RANBP2: variants seen among roughly 807,000 people sequenced by gnomAD.
The protein encoded by RANBP2 is RAN binding protein 2, also known as E3 SUMO-protein ligase RanBP2.
In RANBP2, 57 loss-of-function variants were observed where a neutral mutation model predicts 303.6. The ratio of observed to expected loss-of-function variants is 0.19; its 90% CI spans 0.15 to 0.23. The LOEUF (loss-of-function observed/expected upper bound fraction) is 0.23. Among genes scored for constraint, RANBP2 ranks in the 10% least tolerant of loss-of-function variants. RANBP2 has a pLI of 1.00. For synonymous variants in RANBP2, 1,167 were observed against 1,301.5 expected, an observed-to-expected ratio of 0.90 and a Z score of 2.23; for missense variants, 3,138 against 3,780.8, an observed-to-expected ratio of 0.83 and a Z score of 4.46.
At chr2:108,983,576 C>G in the RANBP2 span, among the ~76,000 whole-genome samples, 4 of 152,334 alleles carry the variant, frequency 2.6e-5, no homozygotes, top group East Asian at 7.7e-4. Flanking sequence ...CAGCTCCTCC[C>G]TCGTGATCCA....
chr2:109,361,041 T>A, the RANBP2 span, among the ~76,000 whole-genome samples: 6 of 152,216 alleles, frequency 3.9e-5, no homozygotes, highest in African/African-American at 1.4e-4. Context: ...TGAATGGGTA[T>A]TGGATTTTGT....
the RANBP2 span, among the ~76,000 whole-genome samples, chr2:109,531,005 G>A: frequency 1.3e-5 from 2 of 151,920 alleles, no homozygotes; most frequent in African/African-American, 2.4e-5. Flanking sequence ...AGAGCTTCCC[G>A]AGGAGGCTGG....
chr2:109,305,239 G>C, the RANBP2 span, among the ~76,000 whole-genome samples: 1 of 152,162 alleles, frequency 6.6e-6, no homozygotes, highest in East Asian at 1.9e-4. Context: ...ACCTGCTGAC[G>C]GTTTCCCCCT....
the RANBP2 span, among the ~76,000 whole-genome samples, chr2:109,284,128 C>A: frequency 2.3e-4 from 35 of 152,338 alleles, no homozygotes; most frequent in African/African-American, 7.9e-4. Flanking sequence ...GAACACATCC[C>A]TCAGGTACTC....
chr2:108,931,470 C>T, the RANBP2 span, among the ~76,000 whole-genome samples: 1 of 152,210 alleles, frequency 6.6e-6, no homozygotes. Flanking sequence ...TGGATGCTCT[C>T]CCAGCCCCAG....
the RANBP2 span, among the ~76,000 whole-genome samples, chr2:109,171,300 G>A: frequency 1.1e-4 from 16 of 151,958 alleles, no homozygotes; most frequent in Admixed American, 4.6e-4. Flanking sequence ...TTATTTCCTT[G>A]TCATATCTAT....
the RANBP2 span, among the ~76,000 whole-genome samples, chr2:109,628,639 T>C: frequency 6.6e-6 from 1 of 152,344 alleles, no homozygotes; most frequent in Non-Finnish European, 1.5e-5. Context: ...CTCAGGTGGA[T>C]ACATTTTTTT....
the RANBP2 span, among the ~76,000 whole-genome samples, chr2:108,859,092 G>A: frequency 5.9e-5 from 9 of 152,004 alleles, no homozygotes; most frequent in African/African-American, 1.9e-4. Context: ...AGTAATAGCC[G>A]TTCTGACTAG....
At chr2:108,783,243 G>A (rs1275528760) in intron 28 of RANBP2, among the ~76,000 whole-genome samples, 1 of 150,140 alleles carries the variant, frequency 6.7e-6, no homozygotes, top group Admixed American at 6.7e-5. Context: ...AGGAAGCTGA[G>A]GTGGGAGCAT....
At chr2:109,303,311 G>GCTTT in the RANBP2 span, among the ~76,000 whole-genome samples, 1 of 152,228 alleles carries the variant, frequency 6.6e-6, no homozygotes, top group Non-Finnish European at 1.5e-5. Context: ...TGTGAGGAAA[G>GCTTT]AGCTTGCCTC....
chr2:109,495,570 C>G, the RANBP2 span, among the ~76,000 whole-genome samples: 1 of 145,020 alleles, frequency 6.9e-6, no homozygotes, highest in Non-Finnish European at 1.5e-5. Flanking sequence ...CCCACTGCAA[C>G]CTCCGCCTCC....
chr2:109,436,874 T>G, the RANBP2 span: 1 of 1,609,984 alleles, frequency 6.2e-7, no homozygotes, highest in Non-Finnish European at 8.5e-7. Context: ...TCAGAATTCC[T>G]TCTGCTTTCT....
At chr2:108,830,498 CT>C in the RANBP2 span, among the ~76,000 whole-genome samples, 828 of 152,342 alleles carry the variant, frequency 5.4e-3, 12 homozygotes, top group African/African-American at 0.016. Flanking sequence ...AGTGTACTCA[CT>C]TTGCAGAAGT....
At chr2:109,617,464 C>T in the RANBP2 span, 1 of 167,006 alleles carries the variant, frequency 6.0e-6, no homozygotes, top group South Asian at 2.1e-4. Flanking sequence ...TAAAATTTAA[C>T]CCACAAGCAT....
the RANBP2 span, among the ~76,000 whole-genome samples, chr2:109,662,181 T>C: frequency 2.6e-5 from 4 of 152,220 alleles, no homozygotes; most frequent in Admixed American, 2.6e-4. Flanking sequence ...GTATTGAGTC[T>C]GAGACTTTCC....
the RANBP2 span, among the ~76,000 whole-genome samples, chr2:109,488,803 C>G: frequency 2.6e-5 from 4 of 152,246 alleles, no homozygotes; most frequent in Non-Finnish European, 4.4e-5. Flanking sequence ...CTATTGCTCA[C>G]AACCTCCAGG....
chr2:109,085,682 C>T, the RANBP2 span, among the ~76,000 whole-genome samples: 47 of 147,232 alleles, frequency 3.2e-4, no homozygotes, highest in Non-Finnish European at 3.9e-4. Flanking sequence ...CTCACTGCAA[C>T]CTCTGCCTCT....
chr2:109,176,524 G>A, the RANBP2 span, among the ~76,000 whole-genome samples: 1 of 152,090 alleles, frequency 6.6e-6, no homozygotes, highest in Non-Finnish European at 1.5e-5. Flanking sequence ...TTCAGTCCAG[G>A]GGTTCAAGAT....
chr2:109,090,280 C>G, the RANBP2 span, among the ~76,000 whole-genome samples: 7 of 149,032 alleles, frequency 4.7e-5, no homozygotes, highest in African/African-American at 1.8e-4. Context: ...TTCCTAAAAT[C>G]AGAATTGTGG....
Sources: gnomAD v4.1 joint callset for allele counts (sites outside exome capture counted in the v4.1 genomes callset) on GRCh38, gnomAD v4.1.1 for gene constraint, MANE v1.5 for transcripts, NCBI Gene and HGNC (gene_info 2026-07-23, HGNC 2026-07-21) for gene names.